The following SYNJ2BP variants were observed in gnomAD, a reference collection of about 807,000 sequenced individuals.
The protein encoded by SYNJ2BP is synaptojanin 2 binding protein, also known as synaptojanin-2-binding protein.
A neutral mutation model predicts 16.9 loss-of-function variants in SYNJ2BP; 10 were observed. The observed-to-expected ratio is 0.59, with a 90% CI of 0.36 to 1.00. The LOEUF (loss-of-function observed/expected upper bound fraction) is 1.00, where lower values mean the gene tolerates loss of function less well. Ranked by LOEUF, SYNJ2BP falls within the 50% of genes least tolerant of loss-of-function variation. The probability of loss-of-function intolerance (pLI) is 0.01; values close to 1 mark genes in which losing one functional copy is unlikely to be tolerated. For missense variants in SYNJ2BP, 162 were observed against 186.7 expected (o/e 0.87, Z 0.77); for synonymous variants, 54 against 68.4 (o/e 0.79, Z 1.04).
chr14:70,387,560 G>A (rs191686596), intron 2 of SYNJ2BP, among the ~76,000 whole-genome samples: 45 of 152,258 alleles, frequency 3.0e-4, no homozygotes, highest in Admixed American at 1.2e-3. Context: ...GGCCGGGCCC[G>A]GTGGCTCACG....
At chr14:70,410,511 T>A (rs1888449052) in intron 1 of SYNJ2BP, among the ~76,000 whole-genome samples, 1 of 152,240 alleles carries the variant, frequency 6.6e-6, no homozygotes, top group Admixed American at 6.5e-5. Flanking sequence ...TACTGACCAC[T>A]GTGTGTCATG....
chr14:70,375,611 T>C, intron 3 of SYNJ2BP, 65 bp downstream of exon 3: 1 of 1,557,282 alleles, frequency 6.4e-7, no homozygotes. Flanking sequence ...TTACACACAT[T>C]GGGCTTATTC....
intron 1 of SYNJ2BP, among the ~76,000 whole-genome samples, chr14:70,399,273 C>G (rs555819607): frequency 3.3e-5 from 5 of 152,230 alleles, no homozygotes; most frequent in Non-Finnish European, 7.3e-5. Context: ...TGCTCGACCA[C>G]ACTGCTCACC....
At chr14:70,375,506 T>A (rs1407530009) in intron 3 of SYNJ2BP, among the ~76,000 whole-genome samples, 170 bp downstream of exon 3, 1 of 152,182 alleles carries the variant, frequency 6.6e-6, no homozygotes, top group African/African-American at 2.4e-5. Context: ...GGCCTGAATG[T>A]CCTTCAATGA....
At chr14:70,393,965 T>A (rs199763884) in intron 1 of SYNJ2BP, among the ~76,000 whole-genome samples, 59 of 135,686 alleles carry the variant, frequency 4.3e-4, no homozygotes, top group Non-Finnish European at 4.8e-4. Flanking sequence ...AACTTAAAAT[T>A]AAAAAAAAAA....
At chr14:70,390,284 G>A (rs1306768588) in intron 1 of SYNJ2BP, among the ~76,000 whole-genome samples, 1 of 152,150 alleles carries the variant, frequency 6.6e-6, no homozygotes, top group Non-Finnish European at 1.5e-5. Flanking sequence ...GAGATAGTTT[G>A]GAAACAAACC....
At chr14:70,381,169 A>G (rs1184009439) in intron 2 of SYNJ2BP, among the ~76,000 whole-genome samples, 2 of 152,226 alleles carry the variant, frequency 1.3e-5, no homozygotes, top group African/African-American at 2.4e-5. Context: ...TCAGTGTGTA[A>G]TCCTGCCCCT....
At chr14:70,388,271 A>G (rs1333603250) in intron 2 of SYNJ2BP, among the ~76,000 whole-genome samples, 199 bp downstream of exon 2, 3 of 152,188 alleles carry the variant, frequency 2.0e-5, no homozygotes, top group Admixed American at 2.0e-4. Context: ...TCACATTCTC[A>G]TCTATCAGGT....
At chr14:70,409,059 C>G (rs1888413344) in intron 1 of SYNJ2BP, among the ~76,000 whole-genome samples, 1 of 152,064 alleles carries the variant, frequency 6.6e-6, no homozygotes, top group South Asian at 2.1e-4. Context: ...CCACCAAACA[C>G]AGCTAATGTT....
At chr14:70,416,860 C>CT in intron 1 of SYNJ2BP, 40 bp downstream of exon 1, 3 of 1,613,902 alleles carry the variant, frequency 1.9e-6, no homozygotes, top group Non-Finnish European at 2.5e-6. Context: ...ATTACACCCT[C>CT]TAATCCCCTA....
At chr14:70,375,312 C>T (rs1887605734) in intron 3 of SYNJ2BP, among the ~76,000 whole-genome samples, 1 of 151,810 alleles carries the variant, frequency 6.6e-6, no homozygotes, top group Non-Finnish European at 1.5e-5. Context: ...AGCAATCCTC[C>T]CACCTTAGCA....
chr14:70,384,980 C>G (rs112945790), intron 2 of SYNJ2BP, among the ~76,000 whole-genome samples: 3,413 of 152,298 alleles, frequency 0.022, 56 homozygotes, highest in South Asian at 0.046. Flanking sequence ...TTTCCCCTCT[C>G]TTCTTTGGAT....
chr14:70,373,374 AG>A (rs1887559147), intron 3 of SYNJ2BP, among the ~76,000 whole-genome samples: 1 of 152,168 alleles, frequency 6.6e-6, no homozygotes, highest in African/African-American at 2.4e-5. Context: ...GGGACCCGTG[AG>A]GGCAAGTCAG....
intron 1 of SYNJ2BP, among the ~76,000 whole-genome samples, chr14:70,389,195 C>T (rs1887927163): frequency 6.6e-6 from 1 of 152,138 alleles, no homozygotes; most frequent in East Asian, 1.9e-4. Flanking sequence ...GATATTACTA[C>T]AGCAGGGTTA....
In SYNJ2BP at chr14:70,366,549, A is replaced by G. The variant is rs1301792581; in HGVS notation, c.*6442T>C. 1 of 152,250 alleles carries G rather than the reference A, an allele frequency of 6.6e-6. No individual in the cohort carries two copies. The highest frequency in any genetic ancestry group is 1.5e-5 in the Non-Finnish European group (1 of 68,040). The allele number at this position is 152,250 out of a possible 1,614,324, so 9.4% of individuals were successfully genotyped here. On this transcript the variant is annotated 3_prime_UTR_variant, in exon 4 of 4. Coordinates refer to ENST00000256366, the MANE Select transcript of SYNJ2BP (RefSeq NM_018373.3). ...TAAATACCAATACTGGCTAGGCACA[A>G]TTAGACACATTATTATCTCATTTGC... is the stretch of plus-strand genomic sequence containing the variant.
At chr14:70,394,362 C>T (rs72733802) in intron 1 of SYNJ2BP, among the ~76,000 whole-genome samples, 4,753 of 151,268 alleles carry the variant, frequency 0.031, 104 homozygotes, top group Middle Eastern at 0.076. Context: ...TAACAGTGTA[C>T]TTTGGAGCTA....
At chr14:70,399,542 T>A (rs1461443008) in intron 1 of SYNJ2BP, among the ~76,000 whole-genome samples, 3 of 152,148 alleles carry the variant, frequency 2.0e-5, no homozygotes, top group African/African-American at 7.2e-5. Context: ...GACACACAGT[T>A]GGCTGCCTCA....
At chr14:70,387,677 A>C (rs1323776119) in intron 2 of SYNJ2BP, among the ~76,000 whole-genome samples, 1 of 152,066 alleles carries the variant, frequency 6.6e-6, no homozygotes. Flanking sequence ...TAAAAATATA[A>C]AAAATTAGCT....
At position 70,370,260 on chromosome 14, in the gene SYNJ2BP, G is replaced by A. The variant is rs1293075165; in HGVS notation, c.*2731C>T. ...CTTTGTGTGTCTCAAGGCTCTCTCA[G>A]GAATCAGTGTCCAAACCATGAGGTG... On this transcript the variant is annotated 3_prime_UTR_variant, in exon 4 of 4. Coordinates refer to ENST00000256366, the MANE Select transcript of SYNJ2BP (RefSeq NM_018373.3). The A allele has an allele frequency of 6.6e-6, 1 of 152,128 alleles. No individual in the cohort carries two copies. The highest frequency in any genetic ancestry group is 1.5e-5 in the Non-Finnish European group (1 of 68,024). The allele number at this position is 152,128 out of a possible 1,614,324, so 9.4% of individuals were successfully genotyped here.
Sources: gnomAD v4.1 joint callset for allele counts (sites outside exome capture counted in the v4.1 genomes callset) on GRCh38, gnomAD v4.1.1 for gene constraint, MANE v1.5 for transcripts, NCBI Gene and HGNC (gene_info 2026-07-23, HGNC 2026-07-21) for gene names.